ELOA: variants seen among roughly 807,000 people sequenced by gnomAD.
The protein encoded by ELOA is elongin-A.
Under a neutral mutation model 85.2 loss-of-function variants are expected in ELOA, and 15 were observed. The ratio of observed to expected loss-of-function variants is 0.18; its 90% CI spans 0.12 to 0.27. The LOEUF (loss-of-function observed/expected upper bound fraction) is 0.27, where lower values mean the gene tolerates loss of function less well. Ranked by LOEUF, ELOA falls within the 10% of genes least tolerant of loss-of-function variation. ELOA has a pLI of 1.00. For missense variants in ELOA, 769 were observed against 952.7 expected (o/e 0.81, Z 2.54); for synonymous variants, 348 against 357.2 (o/e 0.97, Z 0.29).
rs762163775 is a variant in ELOA, at chr1:23,757,007, C to T, written c.2139C>T (p.Ile713=). ...MGSSHASASS[I]SFNPSPEEPA... ...GCAGCCATGCTTCCGCCAGTAGCAT[C>T]AGCTTTAACCCCAGCCCTGAGGAGC... Residue 713 remains isoleucine (I), a synonymous_variant, in exon 10 of 11, where the codon ATC becomes ATT. Transcript: ENST00000613537. 22 of 1,601,554 alleles carry T rather than the reference C, an allele frequency of 1.4e-5. No homozygotes were observed. The highest frequency in any genetic ancestry group is 1.8e-5 in the Non-Finnish European group (21 of 1,176,042).
rs767563890 is a variant in ELOA at position 23,756,428 on chromosome 1, C to G, written c.2084+43C>G. 3 of 1,511,340 alleles carry G rather than the reference C, an allele frequency of 2.0e-6. No individual in the cohort carries two copies. The South Asian group carries it at 3.6e-5, about 18-fold the overall frequency. The allele number at this position is 1,511,340 out of a possible 1,614,324, so 93.6% of individuals were successfully genotyped here. ...ACCTGGCTTTTGTGTGCTATCAACC[C>G]TTAGAGGTAGCCATAGCGGCAGGAA... On this transcript the variant is annotated intron_variant, in intron 9 of 10. Transcript: ENST00000613537.
intron 5 of ELOA, among the ~76,000 whole-genome samples, chr1:23,753,526 A>G (rs1208117942): frequency 6.6e-6 from 1 of 152,184 alleles, no homozygotes; most frequent in Non-Finnish European, 1.5e-5. Context: ...TAGAAGCCAC[A>G]TAAGGGTCTA....
In ELOA at chr1:23,750,058, A is replaced by G. The variant is rs1190551236; in HGVS notation, c.239+110A>G. ...CTTCTGAAATTGTTTTGCCTCAATT[A>G]TAAAAAATAATCCATGATCATTGTA... On this transcript the variant is annotated intron_variant, in intron 3 of 10. Transcript: ENST00000613537. 3.8e-6 allele frequency: 3 copies of G among 779,434 alleles called. No individual in the cohort carries two copies. In the African/African-American group the frequency reaches 5.2e-5, roughly 14 times the overall value. The allele number at this position is 779,434 out of a possible 1,614,324, so 48.3% of individuals were successfully genotyped here. A position where few individuals can be genotyped will look rare whatever the true frequency, so the allele number is the denominator to read the frequency against.
In ELOA at chr1:23,743,787, C is replaced by T. The variant is rs773718447; in HGVS notation, c.75+209C>T. ...CGGGACGCGGGGCCCCGGCCGCTCC[C>T]CCTCCCTCACGGGCCCGGGATGGGG... On this transcript the variant is annotated intron_variant, in intron 1 of 10. Transcript: ENST00000613537. 2.0e-5 allele frequency among the ~76,000 whole-genome samples: 3 copies of T among 152,130 alleles called. No individual in the cohort carries two copies. The East Asian group carries it at 5.8e-4, about 29-fold the overall frequency.
rs1483440974 is a variant in ELOA, at chr1:23,751,285, A to G, written c.680A>G (p.Glu227Gly). 1 of 1,614,234 alleles carries G rather than the reference A, an allele frequency of 6.2e-7. No homozygotes were observed. Among genetic ancestry groups the G allele is most frequent in the Admixed American group, 1.7e-5 (1 of 60,026 alleles). ...CAGGACAGACTCGGGGCCAGCCAAGAACGACACCTGGGTGAACCCCATGGG... is the reference window on the plus strand; with the variant it reads ...CAGGACAGACTCGGGGCCAGCCAAGGACGACACCTGGGTGAACCCCATGGG... ...AFQDRLGASQERHLGEPHGKG... is the reference protein window; with the variant it reads ...AFQDRLGASQGRHLGEPHGKG... Residue 227 changes from glutamate to glycine, a missense_variant, in exon 4 of 11, where the codon GAA (glutamate) becomes GGA (glycine). This residue lies in a region of ELOA where 440 missense variants were observed against 474.0 expected (regional missense o/e 0.93). Transcript: ENST00000613537.
At chr1:23,746,775 A>G (rs1351078026) in intron 1 of ELOA, among the ~76,000 whole-genome samples, 1 of 152,148 alleles carries the variant, frequency 6.6e-6, no homozygotes, top group East Asian at 1.9e-4. Flanking sequence ...TACCTTGCAA[A>G]TGTTTGATAT....
intron 1 of ELOA, among the ~76,000 whole-genome samples, chr1:23,744,993 G>T (rs1015454773): frequency 6.6e-6 from 1 of 152,178 alleles, no homozygotes; most frequent in African/African-American, 2.4e-5. Context: ...GTTCTAGCCT[G>T]TTGGAGGTAG....
Position 23,756,364 on chromosome 1 carries a change from C to A in ELOA, c.2063C>A (p.Ala688Glu). The change falls in exon 9 of 11, where the codon GCA (alanine) becomes GAA (glutamate). Residue 688 changes from alanine to glutamate, a missense_variant. Ala to Glu is a moderately radical substitution (Grantham distance 107). Transcript: ENST00000613537. ...RRQEKFGTGG[A>E]AVPEKIKIKP... The stretch of plus-strand genomic sequence containing the variant: ...CAGGAAAAGTTTGGAACGGGAGGAG[C>A]AGCTGTCCCTGAGAAAATCAAGTAA... 12 of 1,577,916 alleles carry A rather than the reference C, an allele frequency of 7.6e-6. No individual in the cohort carries two copies. The highest frequency in any genetic ancestry group is 1.0e-5 in the Non-Finnish European group (12 of 1,161,220).
chr1:23,750,933 G>A lies in ELOA; in HGVS notation c.328G>A (p.Gly110Arg), dbSNP rs755977406. The change falls in exon 4 of 11, where the codon GGG (glycine) becomes AGG (arginine). Residue 110 changes from glycine (G) to arginine (R), a missense_variant. Physicochemically the swap from Gly to Arg is moderately radical, Grantham distance 125 (BLOSUM62 -2). Around this residue, in one of 4 missense-constraint regions of ELOA, gnomAD observed 440 missense variants for 474.0 expected, o/e 0.93. Coordinates refer to ENST00000613537, the MANE Select transcript of ELOA (RefSeq NM_003198.3). ...DALQKEEEME[G>R]DYQETWKATG... Reference sequence around the variant, plus strand: ...CCTGCAGAAGGAGGAGGAGATGGAGGGGGACTACCAAGAAACCTGGAAAGC... The same window carrying A: ...CCTGCAGAAGGAGGAGGAGATGGAGAGGGACTACCAAGAAACCTGGAAAGC... 4 of 1,614,104 alleles carry A rather than the reference G, an allele frequency of 2.5e-6. No individual in the cohort carries two copies. Among genetic ancestry groups the A allele is most frequent in the Admixed American group, 3.3e-5 (2 of 60,020 alleles).
intron 7 of ELOA, among the ~76,000 whole-genome samples, chr1:23,754,990 A>G (rs1436169556): frequency 6.7e-6 from 1 of 148,682 alleles, no homozygotes; most frequent in Non-Finnish European, 1.5e-5. Context: ...CGACTGCAGT[A>G]CAGAGGCCTA....
At chr1:23,750,450 G>A (rs530258083) in intron 3 of ELOA, among the ~76,000 whole-genome samples, 9 of 152,228 alleles carry the variant, frequency 5.9e-5, no homozygotes, top group African/African-American at 1.9e-4. Flanking sequence ...AAAGTGCTGG[G>A]ATTACAGGCG....
At chr1:23,746,056 A>T (rs1644744534) in intron 1 of ELOA, among the ~76,000 whole-genome samples, 1 of 152,138 alleles carries the variant, frequency 6.6e-6, no homozygotes, top group African/African-American at 2.4e-5. Flanking sequence ...TGGGAGGCCG[A>T]GGTGAGTAGA....
chr1:23,757,187 CATT>C (rs1644798063), intron 10 of ELOA, 62 bp downstream of exon 10: 3 of 1,468,150 alleles, frequency 2.0e-6, no homozygotes, highest in East Asian at 2.5e-5. Context: ...CTCTCAATGT[CATT>C]ATTCACTGTA....
At position 23,752,047 on chromosome 1, in the gene ELOA, C is replaced by T. The variant is rs756056830; in HGVS notation, c.1425+17C>T. ...CTGAGAAAGGTAACCCCTTCAGCCC[C>T]TTGGTGGCTTCCCACCCAGAGCACC... On this transcript the variant is annotated intron_variant, in intron 4 of 10. Coordinates refer to ENST00000613537, the MANE Select transcript of ELOA (RefSeq NM_003198.3). The T allele has an allele frequency of 5.1e-6, 8 of 1,568,644 alleles. No homozygotes were observed. Among genetic ancestry groups the T allele is most frequent in the East Asian group, 2.2e-5 (1 of 44,710 alleles).
chr1:23,746,207 G>A (rs1177737119), intron 1 of ELOA, among the ~76,000 whole-genome samples: 1 of 149,230 alleles, frequency 6.7e-6, no homozygotes, highest in Non-Finnish European at 1.5e-5. Flanking sequence ...GAGAACACTC[G>A]AACCCGGGAG....
intron 10 of ELOA, among the ~76,000 whole-genome samples, chr1:23,758,376 C>T (rs1157780295): frequency 5.7e-5 from 8 of 139,250 alleles, no homozygotes; most frequent in East Asian, 2.3e-4. Context: ...CAGGTTCAAG[C>T]GATTCTCCTG....
At chr1:23,756,209 G>A (rs1644794164) in intron 8 of ELOA, 65 bp from the exon 9 acceptor site, 1 of 1,481,856 alleles carries the variant, frequency 6.7e-7, no homozygotes, top group Non-Finnish European at 9.0e-7. Flanking sequence ...AAAGCCCGTG[G>A]ATTATTTAAA....
At chr1:23,749,191 C>T (rs946734469) in intron 2 of ELOA, 114 bp downstream of exon 2, 12 of 872,692 alleles carry the variant, frequency 1.4e-5, no homozygotes, top group African/African-American at 3.4e-5. Context: ...AAACCAGACA[C>T]AAAAGGCCAT....
At chr1:23,746,728 A>G (rs755945842) in intron 1 of ELOA, among the ~76,000 whole-genome samples, 26 of 152,124 alleles carry the variant, frequency 1.7e-4, no homozygotes, top group African/African-American at 4.6e-4. Context: ...TTTGGGTTGA[A>G]GGATTGTACA....
Sources: allele counts gnomAD v4.1 joint callset (sites outside exome capture counted in the v4.1 genomes callset), GRCh38; gene constraint gnomAD v4.1.1; regional missense constraint gnomAD v4.1.1; transcripts MANE v1.5; gene names NCBI Gene and HGNC (gene_info 2026-07-23, HGNC 2026-07-21).